NLGN1: variants seen among roughly 807,000 people sequenced by gnomAD.
The protein encoded by NLGN1 is neuroligin 1.
A neutral mutation model predicts 65.5 loss-of-function variants in NLGN1; 12 were observed. That is an observed-to-expected ratio of 0.18 (90% CI 0.12 to 0.30). The LOEUF is 0.30. Ranked by LOEUF, NLGN1 falls within the 10% of genes least tolerant of loss-of-function variation. The pLI is 1.00. For missense variants in NLGN1, 750 were observed against 1,007.1 expected (o/e 0.74, Z 3.46); for synonymous variants, 350 against 359.5 (o/e 0.97, Z 0.30).
At chr3:173,527,543 G>A (rs889544265) in intron 2 of NLGN1, among the ~76,000 whole-genome samples, 24 of 152,050 alleles carry the variant, frequency 1.6e-4, no homozygotes, top group South Asian at 6.3e-4. Context: ...GACTACAGGC[G>A]CCCGCCACCA....
At chr3:174,272,871 C>T (rs1054641301) in intron 4 of NLGN1, among the ~76,000 whole-genome samples, 2 of 151,564 alleles carry the variant, frequency 1.3e-5, no homozygotes, top group Admixed American at 6.6e-5. Context: ...CAATGATTTA[C>T]TCTACTTTCT....
At chr3:174,211,945 G>T (rs1192538011) in intron 4 of NLGN1, among the ~76,000 whole-genome samples, 1 of 152,212 alleles carries the variant, frequency 6.6e-6, no homozygotes, top group Non-Finnish European at 1.5e-5. Context: ...AGGTGGAGCT[G>T]CCTGCCAGTC....
Position 173,900,675 on chromosome 3 carries a change from C to G in NLGN1, c.646+92843C>G, listed in dbSNP as rs182112694. Among the ~76,000 whole-genome samples the G allele has an allele frequency of 2.3e-4, 35 of 152,042 alleles. No homozygotes were observed. In the East Asian group the frequency reaches 6.6e-3, roughly 29 times the overall value. The stretch of plus-strand genomic sequence containing the variant: ...GATTATCTATTCAAAAATCAAATGG[C>G]TTTGAGTTCTTCAGAGTTTCAGGGG... On this transcript the variant is annotated intron_variant, in intron 4 of 6. Transcript: ENST00000457714.
At chr3:173,396,866 TG>T (rs1261229637), upstream of NLGN1, among the ~76,000 whole-genome samples, 1 of 151,884 alleles carries the variant, frequency 6.6e-6, no homozygotes, top group Non-Finnish European at 1.5e-5. Flanking sequence ...GGGGTGGGGG[TG>T]GGGGGTGCTG....
intron 4 of NLGN1, among the ~76,000 whole-genome samples, chr3:173,934,162 TAA>T (rs1209385369): frequency 6.6e-6 from 1 of 150,590 alleles, no homozygotes; most frequent in African/African-American, 2.4e-5. Context: ...CCAGAATCAT[TAA>T]AAAAGTTGGG....
intron 3 of NLGN1, among the ~76,000 whole-genome samples, chr3:173,647,861 G>C (rs1326413040): frequency 6.6e-6 from 1 of 152,036 alleles, no homozygotes. Context: ...CCTGTATTCT[G>C]AAAATAGAAA....
At position 174,080,922 on chromosome 3, in the gene NLGN1, GGT is replaced by G. The variant is rs571057944; in HGVS notation, c.647-194359_647-194358del. On this transcript the variant is annotated intron_variant, in intron 4 of 6. Coordinates refer to ENST00000457714, the Ensembl canonical transcript of NLGN1. Reference sequence around the variant, plus strand: ...AATTTGATGGTCGCCTGACATTCCTGGTGTGTGTGTGTGTGTGTGTGTGTGTG... The same window carrying G: ...AATTTGATGGTCGCCTGACATTCCTGGTGTGTGTGTGTGTGTGTGTGTGTG... Among the ~76,000 whole-genome samples the G allele has an allele frequency of 9.8e-3, 1,383 of 140,500 alleles. 9 individuals are homozygous for G. Among genetic ancestry groups the G allele is most frequent in the African/African-American group, 0.025 (918 of 37,404 alleles). The allele number at this position is 140,500 out of a possible 152,430, so 92.2% of individuals were successfully genotyped here.
At chr3:173,862,180 ATAAC>A (rs1463128391) in intron 4 of NLGN1, among the ~76,000 whole-genome samples, 3 of 152,170 alleles carry the variant, frequency 2.0e-5, no homozygotes, top group South Asian at 4.1e-4. Context: ...GTTCAAATCA[ATAAC>A]TAACTACATC....
intron 2 of NLGN1, among the ~76,000 whole-genome samples, chr3:173,451,053 C>G (rs1721412352): frequency 6.6e-6 from 1 of 152,202 alleles, no homozygotes; most frequent in Non-Finnish European, 1.5e-5. Flanking sequence ...AAGCCTTCTT[C>G]TCTCAACTCG....
chr3:173,399,958 T>C (rs1259332727), intron 1 of NLGN1: 3 of 152,202 alleles, frequency 2.0e-5, no homozygotes, highest in African/African-American at 7.2e-5. Context: ...AACATAGTAA[T>C]GGTTTATCTT....
chr3:173,646,412 T>C (rs986529386), intron 3 of NLGN1, among the ~76,000 whole-genome samples: 6 of 152,236 alleles, frequency 3.9e-5, no homozygotes, highest in Non-Finnish European at 7.3e-5. Flanking sequence ...GGAATGTGCA[T>C]TGGTTATAGT....
rs144330546 is a variant in NLGN1, at chr3:173,750,206, C to G, written c.494-57474C>G. On this transcript the variant is annotated intron_variant, in intron 3 of 6. Coordinates refer to ENST00000457714, the Ensembl canonical transcript of NLGN1. ...ATAGGCAGATCTACCCTCTCCTATC[C>G]CTTATAGCCCTGCTCATTATTTTGG... Among the ~76,000 whole-genome samples the G allele has an allele frequency of 4.8e-4, 73 of 152,162 alleles. 1 individual carries two copies. Among genetic ancestry groups the G allele is most frequent in the African/African-American group, 1.6e-3 (66 of 41,552 alleles).
chr3:173,399,328 CTAG>C (rs1717218055), intron 1 of NLGN1, among the ~76,000 whole-genome samples: 2 of 152,222 alleles, frequency 1.3e-5, no homozygotes, highest in African/African-American at 4.8e-5. Flanking sequence ...GCAGATTCTA[CTAG>C]AGTTCCAGTA....
intron 4 of NLGN1, among the ~76,000 whole-genome samples, chr3:173,972,163 G>A (rs1439640415): frequency 6.6e-6 from 1 of 152,140 alleles, no homozygotes; most frequent in Non-Finnish European, 1.5e-5. Context: ...TTCCTAATGG[G>A]AGAGGAGAGA....
chr3:173,862,363 G>T (rs529018892), intron 4 of NLGN1, among the ~76,000 whole-genome samples: 1 of 151,140 alleles, frequency 6.6e-6, no homozygotes, highest in Non-Finnish European at 1.5e-5. Flanking sequence ...AAAATTAGCC[G>T]GGCGTAGTGG....
Position 173,412,300 on chromosome 3 carries a change from T to C in NLGN1, c.-390+13813T>C, listed in dbSNP as rs1455227825. Among the ~76,000 whole-genome samples, 3 of 133,316 alleles carry C rather than the reference T, an allele frequency of 2.3e-5. No individual in the cohort carries two copies. The Admixed American group carries it at 2.5e-4, about 11-fold the overall frequency. The allele number at this position is 133,316 out of a possible 152,430, so 87.5% of individuals were successfully genotyped here. On this transcript the variant is annotated intron_variant, in intron 1 of 6. Transcript: ENST00000457714. Reference sequence around the variant, plus strand: ...GCACATGCCAGTGCTCAATGCATTCTCTCTCACTCTGACACACACACACAC... The same window carrying C: ...GCACATGCCAGTGCTCAATGCATTCCCTCTCACTCTGACACACACACACAC...
chr3:173,740,624 A>C (rs1477093399), intron 3 of NLGN1, among the ~76,000 whole-genome samples: 8 of 152,102 alleles, frequency 5.3e-5, no homozygotes, highest in Non-Finnish European at 1.2e-4. Context: ...AGGAGTAAAA[A>C]AAATTACAGC....
At chr3:174,288,423 G>A (rs1561493019), downstream of NLGN1, among the ~76,000 whole-genome samples, 1 of 151,412 alleles carries the variant, frequency 6.6e-6, no homozygotes, top group East Asian at 1.9e-4. Context: ...ACACTGCCAT[G>A]GGTCTGAATT....
chr3:174,174,453 T>C (rs1729087285), intron 4 of NLGN1, among the ~76,000 whole-genome samples: 1 of 152,086 alleles, frequency 6.6e-6, no homozygotes, highest in Non-Finnish European at 1.5e-5. Context: ...TGTAGAAGTG[T>C]TCCCTATTCA....
Sources: allele counts gnomAD v4.1 joint callset (sites outside exome capture counted in the v4.1 genomes callset), GRCh38; gene constraint gnomAD v4.1.1; transcripts MANE v1.5; gene names NCBI Gene and HGNC (gene_info 2026-07-23, HGNC 2026-07-21).